SLFN14: variants seen among roughly 807,000 people sequenced by gnomAD.
SLFN14 encodes the protein protein SLFN14.
SLFN14 carries 47 observed loss-of-function variants against 58.6 expected under a neutral mutation model. The observed-to-expected ratio is 0.80, with a 90% confidence interval of 0.64 to 1.02. The LOEUF is 1.02. SLFN14 is among the 50% of genes least tolerant of loss of function. The pLI is 0.00. For missense variants in SLFN14, 967 were observed against 1,078.4 expected, an observed-to-expected ratio of 0.90 and a Z score of 1.45; for synonymous variants, 390 against 387.3, an observed-to-expected ratio of 1.01 and a Z score of -0.08.
At chr17:35,558,607 A>T (rs1223094695) in intron 2 of SLFN14, among the ~76,000 whole-genome samples, 3 of 152,120 alleles carry the variant, frequency 2.0e-5, no homozygotes, top group Admixed American at 6.6e-5. Context: ...TTTGCCAAAT[A>T]TCCTTAGCCT....
intron 3 of SLFN14, 23 bp downstream of exon 3, chr17:35,556,980 A>T: frequency 6.5e-7 from 1 of 1,532,486 alleles, no homozygotes; most frequent in Non-Finnish European, 8.8e-7. Context: ...GCTGATGGGG[A>T]CAATGACTTC....
In SLFN14 at chr17:35,548,309, T is replaced by C. The variant is rs2072550324; in HGVS notation, c.2669A>G (p.His890Arg). 1 of 1,551,730 alleles carries C rather than the reference T, an allele frequency of 6.4e-7. No homozygotes were observed. Among genetic ancestry groups the C allele is most frequent in the South Asian group, 1.2e-5 (1 of 84,068 alleles). Residue 890 changes from histidine to arginine, a missense_variant, in exon 6 of 6, where the codon CAT becomes CGT. Coordinates refer to ENST00000674182, the MANE Select transcript of SLFN14 (RefSeq NM_001129820.2). ...GGCTCTTGAAGCAAAGCAGAGCTTA[T>C]GAAATTCCTCTGACTGGTCACATTC... ...SPECDQSEEF[H>R]KLCFASRAIK...
At chr17:35,553,940 T>C (rs1283544267) in intron 4 of SLFN14, among the ~76,000 whole-genome samples, 1 of 152,090 alleles carries the variant, frequency 6.6e-6, no homozygotes, top group Non-Finnish European at 1.5e-5. Flanking sequence ...ATGCCCGGCC[T>C]GAGAATTTTT....
rs2072609708 is a variant in SLFN14 at position 35,552,915 on chromosome 17, C to T, written c.1719G>A (p.Met573Ile). 1 of 1,551,430 alleles carries T rather than the reference C, an allele frequency of 6.4e-7. No homozygotes were observed. Among genetic ancestry groups the T allele is most frequent in the Admixed American group, 2.0e-5 (1 of 50,942 alleles). ...MGCEFFNLLI[M>I]EQSQLLSESL... is the part of the protein sequence containing the mutation. ...TCTCAGAAAGCAACTGGCTCTGCTC[C>T]ATTATGAGCAAGTTGAAAAATTCAC... The change falls in exon 5 of 6, where the codon ATG (methionine) becomes ATA (isoleucine). Residue 573 changes from methionine to isoleucine, a missense_variant. By Grantham distance (10) the Met-to-Ile change is conservative. Coordinates refer to ENST00000674182, the MANE Select transcript of SLFN14 (RefSeq NM_001129820.2).
Position 35,545,755 on chromosome 17 carries a change from C to T in SLFN14, c.*2484G>A, listed in dbSNP as rs2072529427. 6.6e-6 allele frequency among the ~76,000 whole-genome samples: 1 copy of T among 152,184 alleles called. No homozygotes were observed. The highest frequency in any genetic ancestry group is 2.1e-4 in the South Asian group (1 of 4,826). On this transcript the variant is annotated 3_prime_UTR_variant, in exon 6 of 6. Coordinates refer to ENST00000674182, the MANE Select transcript of SLFN14 (RefSeq NM_001129820.2). ...GGCTTCAAGTGATTCCCCCAGACCT[C>T]AGCCTCTCAAAGTTCTGGTATTACA...
rs1219547767 is a variant in SLFN14, at chr17:35,557,124, T to C, written c.939A>G (p.Gln313=). The C allele has an allele frequency of 4.5e-6, 7 of 1,551,592 alleles. No individual in the cohort carries two copies. In the African/African-American group the frequency reaches 9.6e-5, roughly 21 times the overall value. Residue 313 remains glutamine, a synonymous_variant, in exon 3 of 6, where the codon CAA becomes CAG. Transcript: ENST00000674182. The part of the protein sequence containing the change: ...DVLDGYVCVI[Q]VEPFCCVVFA... ...ACACCACGCAACAGAAGGGCTCCAC[T>C]TGAATCACACAGACATAACCATCCA...
rs1430648334 is a variant in SLFN14, at chr17:35,554,668, A to C, written c.1097T>G (p.Leu366Arg). The C allele has an allele frequency of 8.0e-6, 12 of 1,493,104 alleles. No individual in the cohort carries two copies. The African/African-American group carries it at 1.6e-4, about 19-fold the overall frequency. 92.5% of individuals were successfully genotyped at this position (1,493,104 alleles called of 1,614,324 possible). A position where few individuals can be genotyped will look rare whatever the true frequency, so the allele number is the denominator to read the frequency against. Residue 366 changes from leucine to arginine, a missense_variant, in exon 4 of 6, where the codon CTG becomes CGG. Transcript: ENST00000674182. ...PSLVTDYNSC[L>R]ISSASSARKS... The stretch of plus-strand genomic sequence containing the variant: ...TCGTGCAGATGAAGCTGATGAAATC[A>C]GGCAAGAGTTGTAGTCTGTGACCAA...
Position 35,547,998 on chromosome 17 carries a change from G to A in SLFN14, c.*241C>T. The A allele has an allele frequency of 1.9e-6, 1 of 516,590 alleles. No individual in the cohort carries two copies. Among genetic ancestry groups the A allele is most frequent in the Non-Finnish European group, 3.5e-6 (1 of 289,370 alleles). The allele number at this position is 516,590 out of a possible 1,614,324, so 32.0% of individuals were successfully genotyped here. ...GACAGCTGGATTGAGTGGGAAAGCT[G>A]GAGACAGGGGACTAATGAAGTCTAT... is the stretch of plus-strand genomic sequence containing the variant. On this transcript the variant is annotated 3_prime_UTR_variant, in exon 6 of 6. Transcript: ENST00000674182.
rs1025834547 is a variant in SLFN14, at chr17:35,544,565, G to A, written c.*3674C>T. ...TTTTTTGAGACAGAGTTTCACTCTTGTTGCCCAGGCTGAAGTGCAGTGGCG... is the reference window on the plus strand; with the variant it reads ...TTTTTTGAGACAGAGTTTCACTCTTATTGCCCAGGCTGAAGTGCAGTGGCG... On this transcript the variant is annotated 3_prime_UTR_variant, in exon 6 of 6. Coordinates refer to ENST00000674182, the MANE Select transcript of SLFN14 (RefSeq NM_001129820.2). Among the ~76,000 whole-genome samples the A allele has an allele frequency of 3.8e-5, 5 of 130,824 alleles. No homozygotes were observed. In the East Asian group the frequency reaches 1.1e-3, roughly 28 times the overall value. 85.8% of individuals were successfully genotyped at this position (130,824 alleles called of 152,430 possible). A position where few individuals can be genotyped will look rare whatever the true frequency, so the allele number is the denominator to read the frequency against.
Position 35,553,209 on chromosome 17 carries a change from G to T in SLFN14, c.1425C>A (p.Asp475Glu). 6.4e-7 allele frequency: 1 copy of T among 1,551,648 alleles called. No individual in the cohort carries two copies. The highest frequency in any genetic ancestry group is 8.7e-7 in the Non-Finnish European group (1 of 1,146,986). ...SPVVLYTILI[D>E]PNWPGGLEYA... ...ATTCAAGTCCTCCAGGCCAATTGGGGTCTATTAAGATTGTATAGAGTACCA... is the reference window on the plus strand; with the variant it reads ...ATTCAAGTCCTCCAGGCCAATTGGGTTCTATTAAGATTGTATAGAGTACCA... Residue 475 changes from aspartate to glutamate, a missense_variant, in exon 5 of 6, where the codon GAC becomes GAA. Coordinates refer to ENST00000674182, the MANE Select transcript of SLFN14 (RefSeq NM_001129820.2).
Position 35,544,954 on chromosome 17 carries a change from T to C in SLFN14, c.*3285A>G, listed in dbSNP as rs2072523771. Among the ~76,000 whole-genome samples, 1 of 152,248 alleles carries C rather than the reference T, an allele frequency of 6.6e-6. No individual in the cohort carries two copies. ...AGTTTCTAAAGCTTCTCTTTTATCT[T>C]AGTTATTTCATTTAGTTAATTGCTT... On this transcript the variant is annotated 3_prime_UTR_variant, in exon 6 of 6. Transcript: ENST00000674182.
rs1254040475 is a variant in SLFN14 at position 35,548,805 on chromosome 17, G to A, written c.2173C>T (p.Arg725Ter). Residue 725 changes from arginine (R) to a stop codon, truncating the protein, a stop_gained, in exon 6 of 6, where the codon CGA becomes TGA. Transcript: ENST00000674182. LOFTEE classifies it low-confidence loss of function (END_TRUNC). ...TGGATCCCACTGGTGATTGTTTTTC[G>A]AGGAAACTGAGCAGATGGAGGGGGA... ...GLPPPSAQFP[R>*]KTITSGIHCA... 7.1e-6 allele frequency: 11 copies of A among 1,551,528 alleles called. No individual in the cohort carries two copies. The highest frequency in any genetic ancestry group is 3.6e-5 in the South Asian group (3 of 84,058).
Position 35,549,013 on chromosome 17 carries a change from C to T in SLFN14, c.1965G>A (p.Lys655=), listed in dbSNP as rs2142196840. 1 of 1,551,674 alleles carries T rather than the reference C, an allele frequency of 6.4e-7. No individual in the cohort carries two copies. The highest frequency in any genetic ancestry group is 1.4e-5 in the African/African-American group (1 of 73,156). ...RKTFMQGEFL[K]IKHIVMDETE... The stretch of plus-strand genomic sequence containing the variant: ...TCTCATCCATCACTATGTGTTTAAT[C>T]TTTAGAAACTCCCCTTGCATGAAAG... Residue 655 remains lysine, a synonymous_variant, in exon 6 of 6, where the codon AAG becomes AAA. Coordinates refer to ENST00000674182, the MANE Select transcript of SLFN14 (RefSeq NM_001129820.2).
chr17:35,550,374 C>T (rs899659553), intron 5 of SLFN14, among the ~76,000 whole-genome samples: 4 of 152,208 alleles, frequency 2.6e-5, no homozygotes, highest in African/African-American at 4.8e-5. Flanking sequence ...GGTGAAACCC[C>T]GTCTCTACTA....
chr17:35,548,269 G>GT lies in SLFN14; in HGVS notation c.2708dup (p.Tyr903Ter). ...AGGCTGCCCTCTTTTCATAAAGCAG[G>GT]TAGAGGTGTTTAATGGCTCTTGAAG... ...CFASRAIKHL[Y>*]LLYEKRAAY The change falls in exon 6 of 6, where the codon TAC becomes TAAC. Residue 903 changes from tyrosine to a stop codon, truncating the protein, a stop_gained and frameshift_variant. Coordinates refer to ENST00000674182, the MANE Select transcript of SLFN14 (RefSeq NM_001129820.2). LOFTEE classifies it high-confidence loss of function. 3.9e-6 allele frequency: 6 copies of GT among 1,551,666 alleles called. No homozygotes were observed. Among genetic ancestry groups the GT allele is most frequent in the Non-Finnish European group, 5.2e-6 (6 of 1,146,968 alleles).
Position 35,548,436 on chromosome 17 carries a change from C to T in SLFN14, c.2542G>A (p.Val848Met), listed in dbSNP as rs2072552114. 1.3e-6 allele frequency: 2 copies of T among 1,551,722 alleles called. No individual in the cohort carries two copies. The highest frequency in any genetic ancestry group is 1.7e-6 in the Non-Finnish European group (2 of 1,147,006). Residue 848 changes from valine to methionine, a missense_variant, in exon 6 of 6, where the codon GTG (valine) becomes ATG (methionine). Physicochemically the swap from Val to Met is conservative, Grantham distance 21 (BLOSUM62 1). Coordinates refer to ENST00000674182, the MANE Select transcript of SLFN14 (RefSeq NM_001129820.2). ...CAAACACCGGTGGCCGGGCTAAACA[C>T]AACCTCTGATGGTCTGTGGGTCTCA... ...LIETHRPSEV[V>M]FSPATGVWGS... is the part of the protein sequence containing the mutation.
chr17:35,554,712 AT>A lies in SLFN14; in HGVS notation c.1061-9del. On this transcript the variant is annotated splice_polypyrimidine_tract_variant and intron_variant, in intron 3 of 5. Coordinates refer to ENST00000674182, the MANE Select transcript of SLFN14 (RefSeq NM_001129820.2). ...TGACCAAACTGGGAGGAGCTAGACA[AT>A]TACATGGAAAGTTGTTTCAGACAAA... The A allele has an allele frequency of 1.5e-6, 2 of 1,365,658 alleles. 1 individual carries two copies. Among genetic ancestry groups the A allele is most frequent in the Non-Finnish European group, 1.9e-6 (2 of 1,052,764 alleles). The allele number at this position is 1,365,658 out of a possible 1,614,324, so 84.6% of individuals were successfully genotyped here.
intron 2 of SLFN14, among the ~76,000 whole-genome samples, chr17:35,558,905 G>A (rs966538148): frequency 6.6e-6 from 1 of 152,104 alleles, no homozygotes; most frequent in Non-Finnish European, 1.5e-5. Flanking sequence ...TACTGTAGAA[G>A]ATCTTGCTAT....
intron 3 of SLFN14, 46 bp from the exon 4 acceptor site, chr17:35,554,750 TAAAAAAAA>T: frequency 2.9e-6 from 3 of 1,045,034 alleles, no homozygotes; most frequent in Admixed American, 4.9e-5. Context: ...AATAAAAAGT[TAAAAAAAA>T]AAAAAAAAAA....
Sources: gnomAD v4.1 joint callset for allele counts (sites outside exome capture counted in the v4.1 genomes callset) on GRCh38, gnomAD v4.1.1 for gene constraint, MANE v1.5 for transcripts, NCBI Gene and HGNC (gene_info 2026-07-23, HGNC 2026-07-21) for gene names.